Variants in SHMT1 observed in about 807,000 individuals in gnomAD.
The protein encoded by SHMT1 is serine hydroxymethyltransferase, cytosolic.
SHMT1 carries 45 observed loss-of-function variants against 49.0 expected under a neutral mutation model. The ratio of observed to expected loss-of-function variants is 0.92; its 90% CI spans 0.72 to 1.18. The LOEUF (loss-of-function observed/expected upper bound fraction) is 1.18, where lower values mean the gene tolerates loss of function less well. Among genes scored for constraint, SHMT1 ranks in the 50% most tolerant of loss-of-function variants. The probability of loss-of-function intolerance (pLI) is 0.00; values close to 1 mark genes in which losing one functional copy is unlikely to be tolerated. For synonymous variants in SHMT1, 232 were observed against 246.6 expected (o/e 0.94, Z 0.55); for missense variants, 541 against 612.4 (o/e 0.88, Z 1.23).
intron 1 of SHMT1, among the ~76,000 whole-genome samples, chr17:18,361,570 G>A (rs558057185): frequency 5.3e-5 from 8 of 151,792 alleles, no homozygotes; most frequent in Non-Finnish European, 8.8e-5. Context: ...GGCAGATCAC[G>A]AGGTCAGGAG....
intron 1 of SHMT1, among the ~76,000 whole-genome samples, chr17:18,362,029 CT>C (rs1388181054): frequency 6.6e-6 from 1 of 152,206 alleles, no homozygotes; most frequent in Non-Finnish European, 1.5e-5. Context: ...ACCTGGGCCT[CT>C]GTCACATAAG....
At chr17:18,333,093 G>A (rs763900898) in intron 9 of SHMT1, 73 bp downstream of exon 9, 2 of 1,582,746 alleles carry the variant, frequency 1.3e-6, no homozygotes, top group African/African-American at 2.7e-5. Flanking sequence ...CCACATCCTG[G>A]TTGCACAAAC....
chr17:18,355,002 G>C (rs560136877), intron 2 of SHMT1, among the ~76,000 whole-genome samples: 1 of 135,102 alleles, frequency 7.4e-6, no homozygotes, highest in Non-Finnish European at 1.5e-5. Context: ...AGTGAGCTGA[G>C]ATCGCGTCAC....
chr17:18,351,514 T>C (rs1225935562), intron 3 of SHMT1, among the ~76,000 whole-genome samples: 2 of 151,894 alleles, frequency 1.3e-5, no homozygotes, highest in Non-Finnish European at 2.9e-5. Context: ...ATCCCAACAC[T>C]TTGGGAGACA....
intron 1 of SHMT1, among the ~76,000 whole-genome samples, chr17:18,362,786 A>C (rs1276847390): frequency 2.6e-5 from 4 of 152,170 alleles, no homozygotes; most frequent in Non-Finnish European, 5.9e-5. Context: ...TTCACAGTGC[A>C]ACATTTGTCT....
Position 18,347,587 on chromosome 17 carries a change from A to C in SHMT1, c.428T>G (p.Leu143Arg). The change falls in exon 5 of 12, where the codon CTT becomes CGT. Residue 143 changes from leucine (L) to arginine (R), a missense_variant. Leu to Arg is a moderately radical substitution (Grantham distance 102). Coordinates refer to ENST00000316694, the MANE Select transcript of SHMT1 (RefSeq NM_004169.5). ...EPHGRIMGLD[L>R]PDGGHLTHGF... is the part of the protein sequence containing the mutation. ...ATGGGTCAGGTGGCCCCCATCCGGA[A>C]GGTCCAGGCCCATGATGCGCCCATG... 1 of 1,614,190 alleles carries C rather than the reference A, an allele frequency of 6.2e-7. No homozygotes were observed. Among genetic ancestry groups the C allele is most frequent in the Non-Finnish European group, 8.5e-7 (1 of 1,180,034 alleles).
chr17:18,328,973 A>G, intron 11 of SHMT1, 54 bp from the exon 12 acceptor site: 1 of 1,606,022 alleles, frequency 6.2e-7, no homozygotes, highest in Non-Finnish European at 8.5e-7. Flanking sequence ...AAGGGGGTAC[A>G]ATGGCTGGGG....
rs1984446745 is a variant in SHMT1 at position 18,341,001 on chromosome 17, G to C, written c.520-188C>G. 4 of 634,250 alleles carry C rather than the reference G, an allele frequency of 6.3e-6. No homozygotes were observed. The South Asian group carries it at 7.0e-5, about 11-fold the overall frequency. 39.3% of individuals were successfully genotyped at this position (634,250 alleles called of 1,614,324 possible). ...AACCAAGTATGGCTCACAGACCCAGGAGTCCCTGAGGAGTCCCAGGGTTGT... is the reference window on the plus strand; with the variant it reads ...AACCAAGTATGGCTCACAGACCCAGCAGTCCCTGAGGAGTCCCAGGGTTGT... On this transcript the variant is annotated intron_variant, in intron 5 of 11. Coordinates refer to ENST00000316694, the MANE Select transcript of SHMT1 (RefSeq NM_004169.5).
chr17:18,343,045 G>A (rs1984689783), intron 5 of SHMT1, among the ~76,000 whole-genome samples: 1 of 152,120 alleles, frequency 6.6e-6, no homozygotes, highest in Non-Finnish European at 1.5e-5. Flanking sequence ...AGACAATGGA[G>A]AGATACTGAG....
intron 7 of SHMT1, 60 bp from the exon 8 acceptor site, chr17:18,335,735 G>A: frequency 8.2e-7 from 1 of 1,212,212 alleles, no homozygotes; most frequent in Non-Finnish European, 1.2e-6. Context: ...TTTCTTTTTA[G>A]GCTCAAACCC....
rs756170223 is a variant in SHMT1 at position 18,348,347 on chromosome 17, C to G, written c.336G>C (p.Gly112=). The change falls in exon 4 of 12, where the codon GGG becomes GGC. Residue 112 remains glycine (G), a synonymous_variant. Transcript: ENST00000316694. ...QAYKLDPQCW[G]VNVQPYSGSP... is the part of the protein sequence containing the mutation. Reference sequence around the variant, plus strand: ...CACCTGAGTAGGGCTGGACGTTGACCCCCCAGCACTGTGGGTCCAGCTTAT... The same window carrying G: ...CACCTGAGTAGGGCTGGACGTTGACGCCCCAGCACTGTGGGTCCAGCTTAT... 4 of 1,613,056 alleles carry G rather than the reference C, an allele frequency of 2.5e-6. No homozygotes were observed. The Admixed American group carries it at 6.7e-5, about 27-fold the overall frequency.
intron 2 of SHMT1, 84 bp from the exon 3 acceptor site, chr17:18,353,901 G>A: frequency 8.6e-7 from 1 of 1,161,066 alleles, no homozygotes; most frequent in South Asian, 1.2e-5. Context: ...CTCCTAAAGA[G>A]AAAAGACACT....
chr17:18,328,017 A>G lies in SHMT1; in HGVS notation c.*733T>C, dbSNP rs1341365688. The G allele has an allele frequency of 1.3e-5, 2 of 152,626 alleles. No individual in the cohort carries two copies. Among genetic ancestry groups the G allele is most frequent in the Non-Finnish European group, 1.5e-5 (1 of 68,058 alleles). 9.5% of individuals were successfully genotyped at this position (152,626 alleles called of 1,614,324 possible). ...TTAAAAATGGTCATCTATGTTTTGC[A>G]CTTCAGCTACGTGAAAATAAAATTT... On this transcript the variant is annotated 3_prime_UTR_variant, in exon 12 of 12. Coordinates refer to ENST00000316694, the MANE Select transcript of SHMT1 (RefSeq NM_004169.5).
At chr17:18,350,828 G>A (rs1175194776) in intron 3 of SHMT1, among the ~76,000 whole-genome samples, 4 of 151,358 alleles carry the variant, frequency 2.6e-5, no homozygotes, top group Non-Finnish European at 5.9e-5. Context: ...CGCCTCCCAA[G>A]TTCAAGCGAT....
chr17:18,329,437 G>C, intron 10 of SHMT1, 49 bp from the exon 11 acceptor site: 2 of 1,413,582 alleles, frequency 1.4e-6, no homozygotes, highest in Non-Finnish European at 2.0e-6. Context: ...TCACCACTGT[G>C]ATGGTGGTGC....
intron 10 of SHMT1, among the ~76,000 whole-genome samples, chr17:18,329,738 G>A (rs1430033677): frequency 6.6e-6 from 1 of 152,156 alleles, no homozygotes; most frequent in Non-Finnish European, 1.5e-5. Flanking sequence ...TCCCTCATCT[G>A]ATGAATGTAC....
intron 9 of SHMT1, 143 bp downstream of exon 9, chr17:18,333,023 G>T: frequency 9.6e-7 from 1 of 1,042,074 alleles, no homozygotes; most frequent in Non-Finnish European, 1.5e-6. Context: ...CCAGTTGGAG[G>T]CGAGGCTGAC....
At chr17:18,352,870 C>A in intron 3 of SHMT1, among the ~76,000 whole-genome samples, 1 of 149,824 alleles carries the variant, frequency 6.7e-6, no homozygotes, top group African/African-American at 2.5e-5. Context: ...AATACCTTAG[C>A]CTGAAAGAAG....
chr17:18,359,823 G>GT (rs1238691789), intron 1 of SHMT1, among the ~76,000 whole-genome samples: 1 of 151,964 alleles, frequency 6.6e-6, no homozygotes, highest in African/African-American at 2.4e-5. Context: ...GCGCCCGCCT[G>GT]TAATTCCAGC....
Sources: gnomAD v4.1 joint callset for allele counts (sites outside exome capture counted in the v4.1 genomes callset) on GRCh38, gnomAD v4.1.1 for gene constraint, MANE v1.5 for transcripts, NCBI Gene and HGNC (gene_info 2026-07-23, HGNC 2026-07-21) for gene names.